Variants in UPB1 observed in about 807,000 individuals in gnomAD.
The protein encoded by UPB1 is beta-ureidopropionase.
Under a neutral mutation model 49.1 loss-of-function variants are expected in UPB1, and 40 were observed. That is an observed-to-expected ratio of 0.81 (90% CI 0.63 to 1.06). UPB1 has a LOEUF of 1.06. UPB1 is among the 50% of genes least tolerant of loss of function. The probability of loss-of-function intolerance (pLI) is 0.00; values close to 1 mark genes in which losing one functional copy is unlikely to be tolerated. For synonymous variants in UPB1, 207 were observed against 198.2 expected (o/e 1.04, Z -0.38); for missense variants, 499 against 505.9 (o/e 0.99, Z 0.13).
At chr22:24,511,194 C>T (rs1173295965) in intron 4 of UPB1, among the ~76,000 whole-genome samples, 2 of 152,188 alleles carry the variant, frequency 1.3e-5, no homozygotes, top group Non-Finnish European at 2.9e-5. Flanking sequence ...GCATGCTCCA[C>T]TGCAGTTTGC....
intron 8 of UPB1, among the ~76,000 whole-genome samples, chr22:24,522,980 C>T (rs1019904454): frequency 6.7e-6 from 1 of 148,432 alleles, no homozygotes; most frequent in Non-Finnish European, 1.5e-5. Context: ...CCAGAAGGGG[C>T]TGAGCGAGTC....
At position 24,520,166 on chromosome 22, in the gene UPB1, C is replaced by G; in HGVS notation, c.792-221C>G. On this transcript the variant is annotated intron_variant, in intron 6 of 9. Transcript: ENST00000326010. ...TTCCCAAAGGCTGTTCAGGCCAGGGCAAGGTGCTGAGGACAGGCTGGCCTG... is the reference window on the plus strand; with the variant it reads ...TTCCCAAAGGCTGTTCAGGCCAGGGGAAGGTGCTGAGGACAGGCTGGCCTG... 3 of 602,184 alleles carry G rather than the reference C, an allele frequency of 5.0e-6. No individual in the cohort carries two copies. In the South Asian group the frequency reaches 5.7e-5, roughly 11 times the overall value. 37.3% of individuals were successfully genotyped at this position (602,184 alleles called of 1,614,324 possible).
chr22:24,524,852 G>A (rs746416770), intron 9 of UPB1, among the ~76,000 whole-genome samples: 42 of 152,178 alleles, frequency 2.8e-4, no homozygotes, highest in Non-Finnish European at 3.5e-4. Context: ...GACTTTGCCC[G>A]GTGTGACTAA....
At chr22:24,521,672 G>A (rs1809945427) in intron 7 of UPB1, among the ~76,000 whole-genome samples, 1 of 152,070 alleles carries the variant, frequency 6.6e-6, no homozygotes, top group South Asian at 2.1e-4. Context: ...CCAGCCTCAG[G>A]TGCCCACAGC....
At chr22:24,515,649 C>A (rs926757937) in intron 6 of UPB1, among the ~76,000 whole-genome samples, 1 of 152,248 alleles carries the variant, frequency 6.6e-6, no homozygotes, top group African/African-American at 2.4e-5. Flanking sequence ...AATAATTCCC[C>A]CCTTTCCCTG....
At chr22:24,520,593 C>T (rs913412606) in intron 7 of UPB1, 125 bp downstream of exon 7, 21 of 1,078,258 alleles carry the variant, frequency 1.9e-5, no homozygotes, top group Non-Finnish European at 2.5e-5. Context: ...TGGCTTGGTC[C>T]GTTACTTTTC....
Position 24,525,844 on chromosome 22 carries a change from G to T in UPB1, c.*50G>T. The T allele has an allele frequency of 6.2e-7, 1 of 1,606,982 alleles. No individual in the cohort carries two copies. The highest frequency in any genetic ancestry group is 8.5e-7 in the Non-Finnish European group (1 of 1,173,704). On this transcript the variant is annotated 3_prime_UTR_variant, in exon 10 of 10. Transcript: ENST00000326010. ...TGAGGAAGACACCTCTGCCCCAGTG[G>T]ATTAGCAAGTGTGGCAGGCTTAACA... is the stretch of plus-strand genomic sequence containing the variant.
chr22:24,520,563 G>A lies in UPB1; in HGVS notation c.873+95G>A, dbSNP rs2044371608. On this transcript the variant is annotated intron_variant, in intron 7 of 9. Coordinates refer to ENST00000326010, the MANE Select transcript of UPB1 (RefSeq NM_016327.3). Reference sequence around the variant, plus strand: ...TCTGCACACATGCCACAAATCCTAGGGTCCGGAAAGGGGTAAAACTGGCTT... The same window carrying A: ...TCTGCACACATGCCACAAATCCTAGAGTCCGGAAAGGGGTAAAACTGGCTT... 9 of 1,383,260 alleles carry A rather than the reference G, an allele frequency of 6.5e-6. No individual in the cohort carries two copies. In the South Asian group the frequency reaches 1.1e-4, roughly 17 times the overall value. 85.7% of individuals were successfully genotyped at this position (1,383,260 alleles called of 1,614,324 possible).
At position 24,513,327 on chromosome 22, in the gene UPB1, G is replaced by A. The variant is rs750842027; in HGVS notation, c.463G>A (p.Ala155Thr). ...GCCATATTTATCATTTTTCCAGCTG[G>A]CGAAGAACCATGACATGGTGGTGGT... ...GPTTRFCQKLAKNHDMVVVSP... is the reference protein window; with the variant it reads ...GPTTRFCQKLTKNHDMVVVSP... The change falls in exon 5 of 10, where the codon GCG becomes ACG. Residue 155 changes from alanine (A) to threonine (T), a missense_variant. By Grantham distance (58) the Ala-to-Thr change is moderately conservative. Transcript: ENST00000326010. The A allele has an allele frequency of 4.3e-6, 7 of 1,614,122 alleles. No homozygotes were observed. Among genetic ancestry groups the A allele is most frequent in the Non-Finnish European group, 5.9e-6 (7 of 1,180,030 alleles).
At position 24,511,620 on chromosome 22, in the gene UPB1, T is replaced by A. The variant is rs866799861; in HGVS notation, c.459+777T>A. Among the ~76,000 whole-genome samples the A allele has an allele frequency of 6.7e-3, 858 of 127,342 alleles. 5 individuals are homozygous for A. The highest frequency in any genetic ancestry group is 0.019 in the African/African-American group (520 of 27,954). The allele number at this position is 127,342 out of a possible 152,430, so 83.5% of individuals were successfully genotyped here. ...GAATTATATATATATATATATATAT[T>A]TTTTTTTTTTTGAGATGGAGTCTCA... On this transcript the variant is annotated intron_variant, in intron 4 of 9. Transcript: ENST00000326010.
intron 2 of UPB1, among the ~76,000 whole-genome samples, chr22:24,500,511 T>G (rs1228889697): frequency 6.6e-6 from 1 of 152,230 alleles, no homozygotes; most frequent in African/African-American, 2.4e-5. Flanking sequence ...ATCTTTCCAC[T>G]TCTCTCCAGC....
chr22:24,496,255 T>C (rs1353592735), intron 1 of UPB1, among the ~76,000 whole-genome samples: 9 of 151,996 alleles, frequency 5.9e-5, no homozygotes, highest in African/African-American at 1.7e-4. Flanking sequence ...TCTGTAGTCC[T>C]AGCTACATGG....
At chr22:24,510,918 G>A (rs1601497169) in intron 4 of UPB1, 75 bp downstream of exon 4, 1 of 1,515,786 alleles carries the variant, frequency 6.6e-7, no homozygotes, top group Non-Finnish European at 9.2e-7. Flanking sequence ...CAGCTGCCGG[G>A]TTTGGCCTTT....
intron 3 of UPB1, chr22:24,502,843 G>A (rs917028378): frequency 3.9e-5 from 13 of 329,776 alleles, no homozygotes; most frequent in East Asian, 1.8e-4. Flanking sequence ...CTGGCCCTTC[G>A]ACATACATGT....
chr22:24,508,966 G>A (rs1453033028), intron 3 of UPB1, among the ~76,000 whole-genome samples: 1 of 152,178 alleles, frequency 6.6e-6, no homozygotes, highest in Non-Finnish European at 1.5e-5. Context: ...GTCCAGACAA[G>A]GATTGAGTTC....
Position 24,522,379 on chromosome 22 carries a change from G to T in UPB1, c.916+351G>T, listed in dbSNP as rs1430490464. ...TCCCTTTCCACTTTCCTTTGTCCTT[G>T]TCCCCCCTCCCCTTGCCCAAACCAG... On this transcript the variant is annotated intron_variant, in intron 8 of 9. Transcript: ENST00000326010. Among the ~76,000 whole-genome samples, 6 of 152,206 alleles carry T rather than the reference G, an allele frequency of 3.9e-5. No individual in the cohort carries two copies. The South Asian group carries it at 1.0e-3, about 26-fold the overall frequency.
At chr22:24,508,105 A>G (rs185087850) in intron 3 of UPB1, among the ~76,000 whole-genome samples, 326 of 152,322 alleles carry the variant, frequency 2.1e-3, no homozygotes, top group African/African-American at 7.3e-3. Flanking sequence ...ACTGTCTACA[A>G]TTGTTAATTC....
intron 1 of UPB1, among the ~76,000 whole-genome samples, chr22:24,498,211 C>T (rs1053811442): frequency 2.6e-5 from 4 of 152,204 alleles, no homozygotes; most frequent in Non-Finnish European, 5.9e-5. Flanking sequence ...ATGACCTAAT[C>T]ACCTCTGAAA....
At position 24,497,992 on chromosome 22, in the gene UPB1, C is replaced by T. The variant is rs138265111; in HGVS notation, c.105-2115C>T. ...GTGCAACCCTGGCTGTAACCAACAT[C>T]TGGCTGCGGTCTCTTTCCCCATCTT... On this transcript the variant is annotated intron_variant, in intron 1 of 9. Transcript: ENST00000326010. 1.8e-3 allele frequency among the ~76,000 whole-genome samples: 272 copies of T among 152,290 alleles called. 1 individual carries two copies. Among genetic ancestry groups the T allele is most frequent in the African/African-American group, 5.7e-3 (238 of 41,538 alleles).
Sources: gnomAD v4.1 joint callset for allele counts (sites outside exome capture counted in the v4.1 genomes callset) on GRCh38, gnomAD v4.1.1 for gene constraint, MANE v1.5 for transcripts, NCBI Gene and HGNC (gene_info 2026-07-23, HGNC 2026-07-21) for gene names.